The following FLNC variants were observed in gnomAD, a reference collection of about 807,000 sequenced individuals.
FLNC encodes the protein filamin-C.
FLNC carries 91 observed loss-of-function variants against 254.3 expected under a neutral mutation model. The ratio of observed to expected loss-of-function variants is 0.36; its 90% CI spans 0.30 to 0.43. The LOEUF is 0.43. Ranked by LOEUF, FLNC falls within the 20% of genes least tolerant of loss-of-function variation. The pLI, the probability that FLNC is intolerant of heterozygous loss-of-function variation, is 1.00. For synonymous variants in FLNC, 1,430 were observed against 1,577.2 expected (o/e 0.91, Z 2.21); for missense variants, 2,853 against 3,802.6 (o/e 0.75, Z 6.57).
At position 128,841,170 on chromosome 7, in the gene FLNC, G is replaced by C; in HGVS notation, c.1814G>C (p.Gly605Ala). ...CCGACCCTCCCCCACCTTGCCCCAG[G>C]CTTCTCCATCGAGGGGCCCTCACAA... ...EAIGTEVGTL[G>A]FSIEGPSQAK... Residue 605 changes from glycine (G) to alanine (A), a missense_variant and splice_region_variant, in exon 12 of 48, where the codon GGC becomes GCC. Transcript: ENST00000325888. The surrounding 1 kb of genome is among the most constrained non-coding windows in gnomAD (Gnocchi z 4.3). 5 of 1,613,696 alleles carry C rather than the reference G, an allele frequency of 3.1e-6. No individual in the cohort carries two copies. Among genetic ancestry groups the C allele is most frequent in the Non-Finnish European group, 4.2e-6 (5 of 1,179,972 alleles).
At chr7:128,851,207 GC>G (rs1302460194) in intron 33 of FLNC, 24 bp from the exon 34 acceptor site, 1 of 1,613,674 alleles carries the variant, frequency 6.2e-7, no homozygotes, top group Non-Finnish European at 8.5e-7. Flanking sequence ...TGCTGACCCA[GC>G]CCCCTTTTTC....
In FLNC at chr7:128,838,044, A is replaced by G. The variant is rs745495679; in HGVS notation, c.1027A>G (p.Lys343Glu). 9.3e-6 allele frequency: 15 copies of G among 1,613,802 alleles called. No homozygotes were observed. Among genetic ancestry groups the G allele is most frequent in the Non-Finnish European group, 1.3e-5 (15 of 1,179,892 alleles). Residue 343 changes from lysine to glutamate, a missense_variant, in exon 6 of 48, where the codon AAG becomes GAG. Around this residue, in one of 10 missense-constraint regions of FLNC, gnomAD observed 1,573 missense variants for 1,883.5 expected, o/e 0.84. Transcript: ENST00000325888. ...CACCTATGCTGTCTCCTATGTGCCC[A>G]AGGTCGCTGGGTTACACAAGGTATC... The part of the protein sequence containing the change: ...DRTYAVSYVP[K>E]VAGLHKVTVL...
chr7:128,849,162 C>T lies in FLNC; in HGVS notation c.4928-19C>T. ...CCACGTTGAGCACCGCCTGGCCTCA[C>T]ACTCTTCTCTCTTTCCAGTGTCCAT... On this transcript the variant is annotated intron_variant, in intron 28 of 47. Transcript: ENST00000325888. 1 of 1,612,816 alleles carries T rather than the reference C, an allele frequency of 6.2e-7. No homozygotes were observed. Among genetic ancestry groups the T allele is most frequent in the Admixed American group, 1.7e-5 (1 of 60,022 alleles).
At position 128,858,813 on chromosome 7, in the gene FLNC, G is replaced by T. The variant is rs571289905; in HGVS notation, c.*290G>T. The T allele has an allele frequency of 3.2e-4, 160 of 497,924 alleles. 1 individual carries two copies. The highest frequency in any genetic ancestry group is 2.9e-3 in the African/African-American group (148 of 51,760). The allele number at this position is 497,924 out of a possible 1,614,324, so 30.8% of individuals were successfully genotyped here. On this transcript the variant is annotated 3_prime_UTR_variant, in exon 48 of 48. Coordinates refer to ENST00000325888, the MANE Select transcript of FLNC (RefSeq NM_001458.5). This position sits in a 1 kb window ranked among gnomAD's most constrained non-coding sequence, Gnocchi z 6.7. ...GGGACACAAGGGGCTGGCGAGGGCT[G>T]CGAGGCCAGGGAAGCCCTGAGTTTC...
Position 128,854,224 on chromosome 7 carries a change from C to T in FLNC, c.6727+8C>T. The T allele has an allele frequency of 6.2e-7, 1 of 1,606,126 alleles. No homozygotes were observed. Among genetic ancestry groups the T allele is most frequent in the Non-Finnish European group, 8.5e-7 (1 of 1,176,754 alleles). ...TCACCCGGCAGCAGGAGGGTGAGCA[C>T]CGCACACTGGGCCGGCCGGGTCCTC... On this transcript the variant is annotated splice_region_variant and intron_variant, in intron 40 of 47. Coordinates refer to ENST00000325888, the MANE Select transcript of FLNC (RefSeq NM_001458.5).
In FLNC at chr7:128,847,833, G is replaced by A. The variant is rs371971762; in HGVS notation, c.4425G>A (p.Ala1475=). 166 of 1,613,498 alleles carry A rather than the reference G, an allele frequency of 1.0e-4. No individual in the cohort carries two copies. The highest frequency in any genetic ancestry group is 1.3e-4 in the Non-Finnish European group (154 of 1,179,798). Residue 1475 remains alanine, a synonymous_variant, in exon 25 of 48, where the codon GCG becomes GCA. Transcript: ENST00000325888. ...TGGATTGCAGTCAAGCTGGCCGGGC[G>A]CCCCTGCAGGTGGCTGTGCTGGGCC... ...FTVDCSQAGR[A]PLQVAVLGPT...
chr7:128,849,853 C>A, intron 30 of FLNC, 123 bp from the exon 31 acceptor site: 1 of 821,794 alleles, frequency 1.2e-6, no homozygotes, highest in Non-Finnish European at 2.0e-6. Context: ...CCAGAGGCTG[C>A]CCTGCAGGAG....
chr7:128,856,986 C>T lies in FLNC; in HGVS notation c.7561+65C>T, dbSNP rs553998797. ...GTGCTTGGCCACTAGTCTGGTGCTG[C>T]TTTGCTCCAGAGGTAGGGGCCCTGC... is the stretch of plus-strand genomic sequence containing the variant. On this transcript the variant is annotated intron_variant, in intron 45 of 47. Transcript: ENST00000325888. The surrounding 1 kb of genome is among the most constrained non-coding windows in gnomAD (Gnocchi z 5.9). 8.4e-3 allele frequency: 13,365 copies of T among 1,584,478 alleles called. 115 individuals carry two copies. Among genetic ancestry groups the T allele is most frequent in the South Asian group, 0.026 (2,367 of 90,504 alleles).
At position 128,846,211 on chromosome 7, in the gene FLNC, A is replaced by G. The variant is rs776481050; in HGVS notation, c.3964+48A>G. ...AGTGGGCAGGGCTGGGCAAGTGGGCAGGGCCGGGATCTGATGATATTGCCC... is the reference window on the plus strand; with the variant it reads ...AGTGGGCAGGGCTGGGCAAGTGGGCGGGGCCGGGATCTGATGATATTGCCC... On this transcript the variant is annotated intron_variant, in intron 22 of 47. Coordinates refer to ENST00000325888, the MANE Select transcript of FLNC (RefSeq NM_001458.5). 1.9e-6 allele frequency: 3 copies of G among 1,613,014 alleles called. No homozygotes were observed. The Admixed American group carries it at 5.0e-5, about 27-fold the overall frequency.
rs1809010622 is a variant in FLNC, at chr7:128,855,309, C to G, written c.7246C>G (p.Leu2416Val). ...DDARRLTVTS[L>V]QETGLKVNQP... is the part of the protein sequence containing the mutation. The stretch of plus-strand genomic sequence containing the variant: ...CGCTCGCCGTCTCACTGTCACCAGC[C>G]TCCAGGTTTGTGCCCAGGGTGGGGG... Residue 2416 changes from leucine (L) to valine (V), a missense_variant, in exon 43 of 48, where the codon CTC becomes GTC. Leu to Val is a conservative substitution (Grantham distance 32). Transcript: ENST00000325888. 1 of 1,608,490 alleles carries G rather than the reference C, an allele frequency of 6.2e-7. No homozygotes were observed. The highest frequency in any genetic ancestry group is 8.5e-7 in the Non-Finnish European group (1 of 1,175,408).
At position 128,849,163 on chromosome 7, in the gene FLNC, A is replaced by T; in HGVS notation, c.4928-18A>T. 6.2e-7 allele frequency: 1 copy of T among 1,610,908 alleles called. No homozygotes were observed. Among genetic ancestry groups the T allele is most frequent in the Non-Finnish European group, 8.5e-7 (1 of 1,179,196 alleles). ...CACGTTGAGCACCGCCTGGCCTCAC[A>T]CTCTTCTCTCTTTCCAGTGTCCATT... is the stretch of plus-strand genomic sequence containing the variant. On this transcript the variant is annotated intron_variant, in intron 28 of 47. Transcript: ENST00000325888.
At chr7:128,855,812 A>C (rs1429479599) in intron 43 of FLNC, among the ~76,000 whole-genome samples, 1 of 152,168 alleles carries the variant, frequency 6.6e-6, no homozygotes, top group Non-Finnish European at 1.5e-5. Flanking sequence ...TGTTCCTTTC[A>C]TTCTGTCACA....
At position 128,842,955 on chromosome 7, in the gene FLNC, G is replaced by C. The variant is rs1474115309; in HGVS notation, c.2550+1G>C. On this transcript the variant is annotated splice_donor_variant, in intron 16 of 47. Coordinates refer to ENST00000325888, the MANE Select transcript of FLNC (RefSeq NM_001458.5). LOFTEE classifies it high-confidence loss of function. This position sits in a 1 kb window ranked among gnomAD's most constrained non-coding sequence, Gnocchi z 5.4. ...CATCATGGTGCTGTTTGCCAACCAGGTACCTAAGCTCCTGGGTACTCACAG... is the reference window on the plus strand; with the variant it reads ...CATCATGGTGCTGTTTGCCAACCAGCTACCTAAGCTCCTGGGTACTCACAG... The C allele has an allele frequency of 6.2e-7, 1 of 1,613,838 alleles. No homozygotes were observed. Among genetic ancestry groups the C allele is most frequent in the South Asian group, 1.1e-5 (1 of 91,086 alleles).
Position 128,849,437 on chromosome 7 carries a change from T to C in FLNC, c.5058T>C (p.Asp1686=), listed in dbSNP as rs2128937819. Reference sequence around the variant, plus strand: ...TGACATGCACGGTGTCCACGCCGGATGGGGCAGAGCTCGATGTGGATGTGG... The same window carrying C: ...TGACATGCACGGTGTCCACGCCGGACGGGGCAGAGCTCGATGTGGATGTGG... ...GKVTCTVSTP[D]GAELDVDVVE... is the part of the protein sequence containing the mutation. Residue 1686 remains aspartate, a synonymous_variant, in exon 30 of 48, where the codon GAT becomes GAC. Transcript: ENST00000325888. 1.2e-6 allele frequency: 2 copies of C among 1,614,172 alleles called. No homozygotes were observed. The highest frequency in any genetic ancestry group is 2.2e-5 in the East Asian group (1 of 44,880).
chr7:128,848,292 G>A (rs1422723260), intron 26 of FLNC, among the ~76,000 whole-genome samples: 1 of 152,108 alleles, frequency 6.6e-6, no homozygotes, highest in Non-Finnish European at 1.5e-5. Flanking sequence ...AAGAGTGCAG[G>A]AGGCCTGGGC....
In FLNC at chr7:128,857,384, G is replaced by T; in HGVS notation, c.7780+48G>T. The T allele has an allele frequency of 7.2e-7, 1 of 1,382,158 alleles. No homozygotes were observed. The highest frequency in any genetic ancestry group is 1.2e-5 in the South Asian group (1 of 85,234). The allele number at this position is 1,382,158 out of a possible 1,614,324, so 85.6% of individuals were successfully genotyped here. ...TCCACCCAGCCTGCAGCCCAGCCCAGCCTGGAGGGCTCCGGTGGCCACGCA... is the reference window on the plus strand; with the variant it reads ...TCCACCCAGCCTGCAGCCCAGCCCATCCTGGAGGGCTCCGGTGGCCACGCA... On this transcript the variant is annotated intron_variant, in intron 46 of 47. Coordinates refer to ENST00000325888, the MANE Select transcript of FLNC (RefSeq NM_001458.5). The surrounding 1 kb of genome is among the most constrained non-coding windows in gnomAD (Gnocchi z 4.5).
chr7:128,840,550 G>A lies in FLNC; in HGVS notation c.1552G>A (p.Gly518Ser), dbSNP rs766445387. 7.4e-6 allele frequency: 12 copies of A among 1,614,178 alleles called. 1 individual carries two copies. In the South Asian group the frequency reaches 1.1e-4, roughly 15 times the overall value. ...ELKVTVKGPK[G>S]TEEPVKVREA... ...CCACCCTGCCCCCATCTCCTCAGAGGGCACAGAGGAGCCAGTGAAGGTGCG... is the reference window on the plus strand; with the variant it reads ...CCACCCTGCCCCCATCTCCTCAGAGAGCACAGAGGAGCCAGTGAAGGTGCG... Residue 518 changes from glycine (G) to serine (S), a missense_variant and splice_region_variant, in exon 10 of 48, where the codon GGC becomes AGC. Coordinates refer to ENST00000325888, the MANE Select transcript of FLNC (RefSeq NM_001458.5).
Position 128,842,188 on chromosome 7 carries a change from G to A in FLNC, c.2122-43G>A, listed in dbSNP as rs1477101374. 1.2e-6 allele frequency: 2 copies of A among 1,608,384 alleles called. No individual in the cohort carries two copies. The highest frequency in any genetic ancestry group is 1.7e-6 in the Non-Finnish European group (2 of 1,177,108). On this transcript the variant is annotated intron_variant, in intron 13 of 47. Transcript: ENST00000325888. This position sits in a 1 kb window ranked among gnomAD's most constrained non-coding sequence, Gnocchi z 5.4. Reference sequence around the variant, plus strand: ...ACCTGCGGCCAGCAGAGGGCGCTCTGCAGAGGCCACAGCTATGAACTTTGC... The same window carrying A: ...ACCTGCGGCCAGCAGAGGGCGCTCTACAGAGGCCACAGCTATGAACTTTGC...
At chr7:128,845,385 C>A (rs899356595) in intron 21 of FLNC, 130 bp downstream of exon 21, 1 of 775,132 alleles carries the variant, frequency 1.3e-6, no homozygotes, top group South Asian at 1.5e-5. Flanking sequence ...CTCGGAGCAG[C>A]CCCAGAGTCC....
Sources: gnomAD v4.1 joint callset for allele counts (sites outside exome capture counted in the v4.1 genomes callset) on GRCh38, gnomAD v4.1.1 for gene constraint, gnomAD v4.1.1 regional missense constraint, Gnocchi (gnomAD v3.1) non-coding constraint, MANE v1.5 for transcripts, NCBI Gene and HGNC (gene_info 2026-07-23, HGNC 2026-07-21) for gene names.